Variants in TMEM135 observed in about 807,000 individuals in gnomAD.
TMEM135 encodes peroxisomal membrane protein 52.
Under a neutral mutation model 60.3 loss-of-function variants are expected in TMEM135, and 30 were observed. That is an observed-to-expected ratio of 0.50 (90% CI 0.37 to 0.68). TMEM135 has a LOEUF of 0.68. Among genes scored for constraint, TMEM135 ranks in the 30% least tolerant of loss-of-function variants. The pLI is 0.00. For missense variants in TMEM135, 468 were observed against 548.8 expected, an observed-to-expected ratio of 0.85 and a Z score of 1.47; for synonymous variants, 190 against 186.7, an observed-to-expected ratio of 1.02 and a Z score of -0.14.
At chr11:87,234,649 C>T (rs1344081241) in intron 5 of TMEM135, among the ~76,000 whole-genome samples, 6 of 151,874 alleles carry the variant, frequency 4.0e-5, no homozygotes, top group Non-Finnish European at 7.4e-5. Context: ...CTAAATAATT[C>T]GAAGTATGAT....
At chr11:87,196,216 A>G (rs187613955) in intron 5 of TMEM135, among the ~76,000 whole-genome samples, 4 of 152,326 alleles carry the variant, frequency 2.6e-5, no homozygotes, top group Admixed American at 2.6e-4. Flanking sequence ...ATTTTGTGCT[A>G]AAAAGTGAAT....
chr11:87,141,786 A>T (rs1938269230), intron 4 of TMEM135, among the ~76,000 whole-genome samples: 1 of 152,140 alleles, frequency 6.6e-6, no homozygotes, highest in African/African-American at 2.4e-5. Flanking sequence ...AATAGGAAAA[A>T]TTTTAAAAAT....
At chr11:87,263,027 T>TTG (rs1180868244) in intron 6 of TMEM135, among the ~76,000 whole-genome samples, 10 of 152,168 alleles carry the variant, frequency 6.6e-5, no homozygotes, top group Admixed American at 5.9e-4. Context: ...TTCTTCCTTT[T>TTG]TGTTTTATGT....
chr11:87,177,042 T>C (rs1419383402), intron 5 of TMEM135, among the ~76,000 whole-genome samples: 2 of 152,268 alleles, frequency 1.3e-5, no homozygotes, highest in East Asian at 3.9e-4. Context: ...AGTAATGGAT[T>C]GTAAAATCAT....
chr11:87,105,269 C>T (rs1158023870), intron 4 of TMEM135, among the ~76,000 whole-genome samples: 6 of 152,262 alleles, frequency 3.9e-5, no homozygotes, highest in Admixed American at 6.5e-5. Context: ...AGATGATACG[C>T]GGGTGAGCGA....
intron 2 of TMEM135, 154 bp from the exon 3 acceptor site, chr11:87,071,369 G>C (rs1856770583): frequency 1.6e-6 from 1 of 641,152 alleles, no homozygotes; most frequent in South Asian, 1.9e-5. Flanking sequence ...TGGGGCTAGG[G>C]GAGACAGATA....
Position 87,323,542 on chromosome 11 carries a change from G to T in TMEM135, c.*2209G>T. The T allele has an allele frequency of 2.2e-6, 1 of 453,000 alleles. No individual in the cohort carries two copies. The allele number at this position is 453,000 out of a possible 1,614,324, so 28.1% of individuals were successfully genotyped here. A position where few individuals can be genotyped will look rare whatever the true frequency, so the allele number is the denominator to read the frequency against. ...TCTGCATTCCAAAATATGTTTTTTA[G>T]TTTATTTATATCCTGAAGAAATGGT... On this transcript the variant is annotated 3_prime_UTR_variant, in exon 15 of 15. Coordinates refer to ENST00000305494, the MANE Select transcript of TMEM135 (RefSeq NM_022918.4).
chr11:87,118,504 A>G (rs1857953727), intron 4 of TMEM135, among the ~76,000 whole-genome samples: 1 of 151,078 alleles, frequency 6.6e-6, no homozygotes, highest in Non-Finnish European at 1.5e-5. Flanking sequence ...GCTGGAGTGC[A>G]ATGACACGAT....
intron 4 of TMEM135, among the ~76,000 whole-genome samples, chr11:87,119,868 G>A (rs1304028291): frequency 1.3e-5 from 2 of 149,590 alleles, no homozygotes; most frequent in Non-Finnish European, 3.0e-5. Flanking sequence ...CAGCGTTGCT[G>A]CAAACCTTTA....
chr11:87,318,341 T>G lies in TMEM135; in HGVS notation c.1176+106T>G, dbSNP rs555077598. 2,090 of 863,772 alleles carry G rather than the reference T, an allele frequency of 2.4e-3. 4 individuals are homozygous for G. The highest frequency in any genetic ancestry group is 2.5e-3 in the Non-Finnish European group (1,331 of 533,954). The allele number at this position is 863,772 out of a possible 1,614,324, so 53.5% of individuals were successfully genotyped here. On this transcript the variant is annotated intron_variant, in intron 13 of 14. Transcript: ENST00000305494. Reference sequence around the variant, plus strand: ...CTGGGAACATTTCTATTTACAGTATTACATTTTAAGCTTCTTTTTTGTTTT... The same window carrying G: ...CTGGGAACATTTCTATTTACAGTATGACATTTTAAGCTTCTTTTTTGTTTT...
chr11:87,175,761 C>G (rs1939351382), intron 5 of TMEM135, among the ~76,000 whole-genome samples: 1 of 151,988 alleles, frequency 6.6e-6, no homozygotes, highest in African/African-American at 2.4e-5. Context: ...GCTACACCAA[C>G]CACCCACTAA....
At chr11:87,315,850 A>G (rs1186753055) in intron 12 of TMEM135, among the ~76,000 whole-genome samples, 2 of 151,880 alleles carry the variant, frequency 1.3e-5, no homozygotes, top group African/African-American at 2.4e-5. Flanking sequence ...AACATATATG[A>G]TTTATTTTCA....
chr11:87,217,169 C>T (rs1464664968), intron 5 of TMEM135, among the ~76,000 whole-genome samples: 4 of 152,154 alleles, frequency 2.6e-5, no homozygotes, highest in African/African-American at 9.7e-5. Flanking sequence ...ATAAATATTG[C>T]TATAAATGCA....
chr11:87,074,278 T>A (rs1422162594), intron 3 of TMEM135, among the ~76,000 whole-genome samples: 5 of 152,222 alleles, frequency 3.3e-5, no homozygotes, highest in African/African-American at 4.8e-5. Context: ...TCGGGTTGTT[T>A]AGATAATTAA....
chr11:87,102,551 G>A (rs572828460), intron 4 of TMEM135, among the ~76,000 whole-genome samples: 17 of 151,898 alleles, frequency 1.1e-4, no homozygotes, highest in South Asian at 4.2e-4. Context: ...ATACTTTTCC[G>A]TATGAGCCAA....
At chr11:87,247,134 C>T (rs866876845) in intron 6 of TMEM135, among the ~76,000 whole-genome samples, 71 of 151,376 alleles carry the variant, frequency 4.7e-4, no homozygotes, top group African/African-American at 1.7e-3. Flanking sequence ...CCCTGTTTGC[C>T]TGGGTACCAG....
At chr11:87,056,215 G>A (rs1241413076) in intron 1 of TMEM135, among the ~76,000 whole-genome samples, 1 of 152,168 alleles carries the variant, frequency 6.6e-6, no homozygotes, top group South Asian at 2.1e-4. Context: ...TTTAGTAAAC[G>A]TTATTAATTT....
At chr11:87,138,959 C>A (rs542546606) in intron 4 of TMEM135, among the ~76,000 whole-genome samples, 1 of 152,160 alleles carries the variant, frequency 6.6e-6, no homozygotes, top group Non-Finnish European at 1.5e-5. Context: ...GGATCCCCAG[C>A]GTACCTACGA....
chr11:87,303,718 G>T (rs1232774433), intron 8 of TMEM135, among the ~76,000 whole-genome samples: 1 of 152,148 alleles, frequency 6.6e-6, no homozygotes, highest in Non-Finnish European at 1.5e-5. Flanking sequence ...AAGATAACAG[G>T]AATAATTATG....
Sources: allele counts gnomAD v4.1 joint callset (sites outside exome capture counted in the v4.1 genomes callset), GRCh38; gene constraint gnomAD v4.1.1; transcripts MANE v1.5; gene names NCBI Gene and HGNC (gene_info 2026-07-23, HGNC 2026-07-21).